DCLK1: variants seen among roughly 807,000 people sequenced by gnomAD.
The protein encoded by DCLK1 is serine/threonine-protein kinase DCLK1.
DCLK1 carries 16 observed loss-of-function variants against 86.2 expected under a neutral mutation model. That is an observed-to-expected ratio of 0.19 (90% CI 0.13 to 0.28). The LOEUF (loss-of-function observed/expected upper bound fraction) is 0.28. DCLK1 is among the 10% of genes least tolerant of loss of function. The pLI is 1.00. For synonymous variants in DCLK1, 369 were observed against 370.5 expected (o/e 1.00, Z 0.05); for missense variants, 590 against 940.2 (o/e 0.63, Z 4.87).
chr13:35,881,943 CAT>C (rs1872931452), intron 4 of DCLK1, among the ~76,000 whole-genome samples: 1 of 152,328 alleles, frequency 6.6e-6, no homozygotes, highest in African/African-American at 2.4e-5. Flanking sequence ...TGGATGGACT[CAT>C]GCGCATAATG....
chr13:36,048,892 C>T (rs931365495), intron 3 of DCLK1, among the ~76,000 whole-genome samples: 2 of 152,282 alleles, frequency 1.3e-5, no homozygotes, highest in Non-Finnish European at 2.9e-5. Flanking sequence ...TGGCTCCTTC[C>T]ACTCTGGAAA....
At chr13:35,827,547 T>A in intron 10 of DCLK1, 88 bp downstream of exon 10, 1 of 1,495,160 alleles carries the variant, frequency 6.7e-7, no homozygotes, top group Non-Finnish European at 9.2e-7. Context: ...ACCTGAATAC[T>A]GATGGGAGAA....
At chr13:35,990,521 G>C (rs962975969) in intron 3 of DCLK1, among the ~76,000 whole-genome samples, 2 of 152,056 alleles carry the variant, frequency 1.3e-5, no homozygotes, top group African/African-American at 4.8e-5. Context: ...GTCATGCCTG[G>C]CCAATCCCAG....
chr13:36,051,263 G>T (rs950304582), intron 3 of DCLK1, among the ~76,000 whole-genome samples: 9 of 151,958 alleles, frequency 5.9e-5, no homozygotes, highest in African/African-American at 2.2e-4. Context: ...TGCCTATCTG[G>T]TCATCAAGGT....
intron 3 of DCLK1, among the ~76,000 whole-genome samples, chr13:35,986,342 G>A (rs1410211241): frequency 1.4e-5 from 2 of 141,690 alleles, no homozygotes; most frequent in Non-Finnish European, 3.0e-5. Context: ...CAATGAAGCA[G>A]CATTATCCCT....
chr13:36,065,295 T>G lies in DCLK1; in HGVS notation c.723+46574A>C, dbSNP rs537915665. Among the ~76,000 whole-genome samples the G allele has an allele frequency of 7.2e-5, 11 of 152,270 alleles. No individual in the cohort carries two copies. In the South Asian group the frequency reaches 2.1e-3, roughly 29 times the overall value. ...GTTGTTGTGAAGAGTAAATGAGACA[T>G]GATGTTAAACATGTGGGCACAGAAT... On this transcript the variant is annotated intron_variant, in intron 3 of 16. Transcript: ENST00000360631.
intron 2 of DCLK1, among the ~76,000 whole-genome samples, chr13:36,116,054 A>G (rs1408371491): frequency 6.6e-6 from 1 of 151,584 alleles, no homozygotes; most frequent in East Asian, 1.9e-4. Context: ...AGTCCAAGCA[A>G]TTCTCCTGCC....
chr13:36,104,180 G>A (rs899023707), intron 3 of DCLK1, among the ~76,000 whole-genome samples: 3 of 152,182 alleles, frequency 2.0e-5, no homozygotes, highest in African/African-American at 7.2e-5. Flanking sequence ...CACAGCCCAG[G>A]GTGACCAAGG....
At chr13:35,835,269 A>T (rs144509701) in intron 8 of DCLK1, among the ~76,000 whole-genome samples, 1 of 152,142 alleles carries the variant, frequency 6.6e-6, no homozygotes, top group African/African-American at 2.4e-5. Context: ...AAGCCAGAGG[A>T]CACAGTCCCT....
chr13:35,831,728 A>C (rs1868981115), intron 8 of DCLK1, among the ~76,000 whole-genome samples: 1 of 152,296 alleles, frequency 6.6e-6, no homozygotes, highest in Non-Finnish European at 1.5e-5. Flanking sequence ...CCACAACAAA[A>C]CCAGCAGCAA....
intron 3 of DCLK1, among the ~76,000 whole-genome samples, chr13:36,072,276 T>C (rs1253536856): frequency 1.3e-5 from 2 of 152,222 alleles, no homozygotes; most frequent in Non-Finnish European, 2.9e-5. Context: ...GTCCCAGATA[T>C]GCTTTCAGGG....
intron 5 of DCLK1, among the ~76,000 whole-genome samples, chr13:35,867,953 G>GAGAA (rs1871962092): frequency 6.9e-6 from 1 of 145,584 alleles, no homozygotes; most frequent in Admixed American, 6.9e-5. Flanking sequence ...AAGAAAGAAA[G>GAGAA]AAAGAAAGAA....
intron 3 of DCLK1, among the ~76,000 whole-genome samples, chr13:35,955,198 G>GTT (rs373705276): frequency 6.8e-6 from 1 of 147,212 alleles, no homozygotes; most frequent in Non-Finnish European, 1.5e-5. Context: ...TATCTATCCT[G>GTT]TTTTTTTTTT....
rs115537505 is a variant in DCLK1 at position 36,001,248 on chromosome 13, G to A, written c.724-53791C>T. Among the ~76,000 whole-genome samples, 396 of 152,246 alleles carry A rather than the reference G, an allele frequency of 2.6e-3. 1 individual carries two copies. Among genetic ancestry groups the A allele is most frequent in the Middle Eastern group, 0.014 (4 of 294 alleles). On this transcript the variant is annotated intron_variant, in intron 3 of 16. Coordinates refer to ENST00000360631, the MANE Select transcript of DCLK1 (RefSeq NM_001330071.2). ...TAGGCGTGAGCCACCGCGCCTGGCC[G>A]CATAACTGATTCTTTAGGAGCAGTA...
intron 4 of DCLK1, among the ~76,000 whole-genome samples, chr13:35,874,726 C>T (rs1314412415): frequency 2.0e-5 from 3 of 152,148 alleles, no homozygotes; most frequent in Admixed American, 6.5e-5. Context: ...AAACCAGGAC[C>T]GTTCCCATGG....
At chr13:36,030,833 TG>T in intron 3 of DCLK1, among the ~76,000 whole-genome samples, 2 of 152,272 alleles carry the variant, frequency 1.3e-5, no homozygotes, top group Middle Eastern at 6.8e-3. Context: ...TCTCCCCAAC[TG>T]ATCAGCTCCC....
chr13:35,850,875 C>T, intron 6 of DCLK1: 1 of 1,030,994 alleles, frequency 9.7e-7, no homozygotes, highest in Non-Finnish European at 1.3e-6. Flanking sequence ...CCAGTTTCTA[C>T]TATTATTAGA....
At chr13:35,800,199 G>C (rs888650413) in intron 15 of DCLK1, among the ~76,000 whole-genome samples, 1 of 152,206 alleles carries the variant, frequency 6.6e-6, no homozygotes, top group Non-Finnish European at 1.5e-5. Flanking sequence ...ATCTGGCTCA[G>C]ACTCAAATTC....
intron 4 of DCLK1, among the ~76,000 whole-genome samples, chr13:35,884,047 C>G (rs1366015132): frequency 3.3e-5 from 5 of 152,172 alleles, no homozygotes; most frequent in Admixed American, 1.3e-4. Context: ...GAGGTAGAAC[C>G]TGGGGCACTT....
Sources: allele counts gnomAD v4.1 joint callset (sites outside exome capture counted in the v4.1 genomes callset), GRCh38; gene constraint gnomAD v4.1.1; transcripts MANE v1.5; gene names NCBI Gene and HGNC (gene_info 2026-07-23, HGNC 2026-07-21).